KLF8: variants seen among roughly 807,000 people sequenced by gnomAD.
KLF8 encodes KLF transcription factor 8.
KLF8 carries 10 observed loss-of-function variants against 18.2 expected under a neutral mutation model. The observed-to-expected ratio is 0.55, with a 90% CI of 0.34 to 0.93. KLF8 has a LOEUF of 0.93. Ranked by LOEUF, KLF8 falls within the 40% of genes least tolerant of loss-of-function variation. The pLI, the probability that KLF8 is intolerant of heterozygous loss-of-function variation, is 0.02. For missense variants in KLF8, 264 were observed against 277.9 expected, an observed-to-expected ratio of 0.95 and a Z score of 0.36; for synonymous variants, 109 against 97.3, an observed-to-expected ratio of 1.12 and a Z score of -0.71.
the KLF8 span, among the ~76,000 whole-genome samples, chrX:55,947,710 T>G: frequency 8.1e-5 from 9 of 111,579 alleles, no homozygotes; most frequent in South Asian, 3.0e-3. Context: ...TTTCTTTGAG[T>G]TTTGTGCCTA....
At chrX:56,183,971 C>A in the KLF8 span, among the ~76,000 whole-genome samples, 1 of 111,078 alleles carries the variant, frequency 9.0e-6, no homozygotes, top group East Asian at 2.9e-4. Context: ...TTCTGCATTT[C>A]CATCTGAGGT....
the KLF8 span, among the ~76,000 whole-genome samples, chrX:56,137,064 C>T: frequency 9.9e-5 from 11 of 110,926 alleles, no homozygotes. Context: ...GATACCATCT[C>T]ACACCAGTTA....
the KLF8 span, among the ~76,000 whole-genome samples, chrX:55,951,279 C>A: frequency 2.7e-5 from 3 of 109,283 alleles, no homozygotes; most frequent in Non-Finnish European, 5.7e-5. Context: ...AGTTTGAGAC[C>A]AGCCTGGCCA....
At chrX:56,081,471 T>C in the KLF8 span, among the ~76,000 whole-genome samples, 1 of 112,192 alleles carries the variant, frequency 8.9e-6, no homozygotes, top group African/African-American at 3.2e-5. Flanking sequence ...GCCTTTTATT[T>C]CTTAATTTTG....
chrX:55,967,820 T>C, the KLF8 span, among the ~76,000 whole-genome samples: 2 of 111,786 alleles, frequency 1.8e-5, no homozygotes, highest in African/African-American at 6.5e-5. Flanking sequence ...TTTCAAGACA[T>C]AGACAGTACA....
the KLF8 span, among the ~76,000 whole-genome samples, chrX:56,120,883 C>A: frequency 2.7e-5 from 3 of 111,129 alleles, no homozygotes; most frequent in Non-Finnish European, 5.7e-5. Context: ...TGCCCTGGAC[C>A]TAAAGAAAAC....
the KLF8 span, among the ~76,000 whole-genome samples, chrX:56,013,203 G>T: frequency 1.1e-4 from 12 of 112,785 alleles, no homozygotes; most frequent in Non-Finnish European, 1.9e-4. Flanking sequence ...GAACTTTAAG[G>T]TTTAATGACT....
At chrX:55,940,475 G>T in the KLF8 span, among the ~76,000 whole-genome samples, 1 of 111,570 alleles carries the variant, frequency 9.0e-6, no homozygotes. Flanking sequence ...CACAAAACAG[G>T]GATGCCCTCT....
At chrX:56,073,220 C>T in the KLF8 span, among the ~76,000 whole-genome samples, 1 of 111,583 alleles carries the variant, frequency 9.0e-6, no homozygotes, top group South Asian at 3.7e-4. Context: ...ATCTCCTGAC[C>T]TCGTGATCCG....
At chrX:56,053,230 C>T in the KLF8 span, among the ~76,000 whole-genome samples, 8 of 112,305 alleles carry the variant, frequency 7.1e-5, no homozygotes, top group Admixed American at 4.7e-4. Context: ...CTGTCCTCTG[C>T]GTCGCTCACG....
chrX:55,990,081 G>T, the KLF8 span, among the ~76,000 whole-genome samples: 9 of 111,289 alleles, frequency 8.1e-5, no homozygotes, highest in South Asian at 3.4e-3. Context: ...GCATGTATTT[G>T]ATTCTACTCT....
At chrX:56,083,519 G>A in the KLF8 span, among the ~76,000 whole-genome samples, 17 of 111,818 alleles carry the variant, frequency 1.5e-4, no homozygotes, top group Non-Finnish European at 3.2e-4. Flanking sequence ...AGCAATAGTA[G>A]CAGAGGCTTT....
chrX:56,074,572 C>T, the KLF8 span: 1 of 113,618 alleles, frequency 8.8e-6, no homozygotes, highest in African/African-American at 3.2e-5. Context: ...ACCCTTGGAA[C>T]CCATGTCAAA....
the KLF8 span, among the ~76,000 whole-genome samples, chrX:56,067,827 C>G: frequency 8.9e-6 from 1 of 112,226 alleles, no homozygotes; most frequent in Non-Finnish European, 1.9e-5. Flanking sequence ...TTCTACAAGC[C>G]TTGGGCCCTA....
At chrX:56,243,911 A>T (rs189324678) in intron 1 of KLF8, among the ~76,000 whole-genome samples, 1 of 111,593 alleles carries the variant, frequency 9.0e-6, no homozygotes, top group Admixed American at 9.5e-5. Flanking sequence ...GAGTTTTCCA[A>T]TGGTGACAGG....
chrX:56,187,249 A>G, the KLF8 span, among the ~76,000 whole-genome samples: 1 of 112,062 alleles, frequency 8.9e-6, no homozygotes, highest in Admixed American at 9.5e-5. Context: ...AAACACCTCT[A>G]CGCAAATAAA....
chrX:55,920,796 T>G, the KLF8 span, among the ~76,000 whole-genome samples: 1 of 112,062 alleles, frequency 8.9e-6, no homozygotes, highest in Non-Finnish European at 1.9e-5. Context: ...AACCTAAGAA[T>G]AATTGGTGTT....
chrX:56,106,684 T>C, the KLF8 span, among the ~76,000 whole-genome samples: 3 of 112,174 alleles, frequency 2.7e-5, no homozygotes, highest in Admixed American at 1.9e-4. Context: ...TAGAAGTTTG[T>C]TATTACCAAC....
the KLF8 span, among the ~76,000 whole-genome samples, chrX:55,917,146 G>T: frequency 1.8e-5 from 2 of 112,122 alleles, no homozygotes; most frequent in Non-Finnish European, 3.8e-5. Flanking sequence ...GAATTGTTCT[G>T]ACTTCCTCAA....
Sources: gnomAD v4.1 joint callset for allele counts (sites outside exome capture counted in the v4.1 genomes callset) on GRCh38, gnomAD v4.1.1 for gene constraint, MANE v1.5 for transcripts, NCBI Gene and HGNC (gene_info 2026-07-23, HGNC 2026-07-21) for gene names.